SERINC5: variants seen among roughly 807,000 people sequenced by gnomAD.
The protein encoded by SERINC5 is serine incorporator 5, also known as chromosome 5 open reading frame 12.
SERINC5 carries 41 observed loss-of-function variants against 63.1 expected under a neutral mutation model. That is an observed-to-expected ratio of 0.65 (90% CI 0.51 to 0.84). The LOEUF is 0.84. Ranked by LOEUF, SERINC5 falls within the 40% of genes least tolerant of loss-of-function variation. The pLI is 0.00. For missense variants in SERINC5, 523 were observed against 573.0 expected (o/e 0.91, Z 0.89); for synonymous variants, 222 against 215.2 (o/e 1.03, Z -0.28).
intron 1 of SERINC5, among the ~76,000 whole-genome samples, chr5:80,255,464 A>T (rs1253806213): frequency 6.6e-6 from 1 of 152,074 alleles, no homozygotes; most frequent in African/African-American, 2.4e-5. Flanking sequence ...GTTTGACCCG[A>T]GTTTTATTCA....
intron 2 of SERINC5, among the ~76,000 whole-genome samples, chr5:80,178,329 C>A (rs1748174999): frequency 6.7e-6 from 1 of 149,990 alleles, no homozygotes; most frequent in Non-Finnish European, 1.5e-5. Context: ...CAAAAATTAC[C>A]TTTTTTTTAA....
chr5:80,158,726 T>C (rs958527593), intron 8 of SERINC5, 110 bp downstream of exon 8: 25 of 1,021,504 alleles, frequency 2.4e-5, no homozygotes, highest in South Asian at 3.3e-5. Context: ...GTGGTTATTT[T>C]CCCCCCTCCT....
chr5:80,125,732 T>C (rs1459054508), intron 11 of SERINC5, among the ~76,000 whole-genome samples: 1 of 151,902 alleles, frequency 6.6e-6, no homozygotes, highest in African/African-American at 2.4e-5. Flanking sequence ...AACTGTGGAG[T>C]TATAATGGTG....
intron 1 of SERINC5, among the ~76,000 whole-genome samples, chr5:80,245,086 A>C (rs1405977765): frequency 6.6e-6 from 1 of 152,012 alleles, no homozygotes; most frequent in Non-Finnish European, 1.5e-5. Context: ...ACCTTCACTT[A>C]ATTTCCTTTA....
chr5:80,232,450 A>T (rs1253420058), intron 1 of SERINC5, among the ~76,000 whole-genome samples: 1 of 151,206 alleles, frequency 6.6e-6, no homozygotes, highest in East Asian at 2.0e-4. Flanking sequence ...GATCATCAGC[A>T]AGGAATGGGT....
At chr5:80,161,456 G>A (rs1022182617) in intron 7 of SERINC5, among the ~76,000 whole-genome samples, 2 of 152,018 alleles carry the variant, frequency 1.3e-5, no homozygotes, top group Admixed American at 6.6e-5. Context: ...TAGCAATGTT[G>A]AGCATTTTTT....
At position 80,168,717 on chromosome 5, in the gene SERINC5, T is replaced by C. The variant is rs539887298; in HGVS notation, c.763+618A>G. ...ACCAAGAGTAGTTTATAAATGGCAA[T>C]TCACATTTATACTTCCTAAAGCACT... On this transcript the variant is annotated intron_variant, in intron 6 of 11. Coordinates refer to ENST00000507668, the MANE Select transcript of SERINC5 (RefSeq NM_001174072.3). 6.6e-5 allele frequency among the ~76,000 whole-genome samples: 10 copies of C among 152,310 alleles called. No homozygotes were observed. In the South Asian group the frequency reaches 1.2e-3, roughly 19 times the overall value.
intron 7 of SERINC5, among the ~76,000 whole-genome samples, chr5:80,162,776 T>C (rs1747024671): frequency 6.6e-6 from 1 of 152,204 alleles, no homozygotes; most frequent in African/African-American, 2.4e-5. Flanking sequence ...TTGTAGCCAT[T>C]GTAAATGGGA....
chr5:80,250,391 G>A lies in SERINC5; in HGVS notation c.27+5505C>T, dbSNP rs187731170. Among the ~76,000 whole-genome samples, 70 of 152,322 alleles carry A rather than the reference G, an allele frequency of 4.6e-4. No individual in the cohort carries two copies. The East Asian group carries it at 0.01, about 23-fold the overall frequency. On this transcript the variant is annotated intron_variant, in intron 1 of 11. Transcript: ENST00000507668. ...GAGTCTCGCTGTCTTGCCCAAGCTG[G>A]AGTGAAGTGCCATGATCTTGGCTCA...
intron 1 of SERINC5, among the ~76,000 whole-genome samples, chr5:80,211,628 C>T (rs1750435155): frequency 6.6e-6 from 1 of 152,200 alleles, no homozygotes; most frequent in South Asian, 2.1e-4. Flanking sequence ...AACAGAAACT[C>T]TCTGAAAAGA....
At chr5:80,232,122 A>G (rs1276758355) in intron 1 of SERINC5, among the ~76,000 whole-genome samples, 1 of 125,728 alleles carries the variant, frequency 8.0e-6, no homozygotes, top group Non-Finnish European at 1.7e-5. Flanking sequence ...AAAAAAAAAA[A>G]GGCCGGGCAA....
chr5:80,150,340 C>T (rs776224870), intron 9 of SERINC5, among the ~76,000 whole-genome samples: 17 of 152,124 alleles, frequency 1.1e-4, no homozygotes, highest in Non-Finnish European at 2.2e-4. Context: ...CAGGATGCCA[C>T]CCAAGAGGCC....
intron 1 of SERINC5, among the ~76,000 whole-genome samples, chr5:80,237,088 A>G (rs1478021511): frequency 1.3e-5 from 2 of 152,062 alleles, no homozygotes. Flanking sequence ...CGGCCTCCCA[A>G]AGTGCTGGGA....
At chr5:80,222,462 T>A (rs1179765806) in intron 1 of SERINC5, among the ~76,000 whole-genome samples, 1 of 151,076 alleles carries the variant, frequency 6.6e-6, no homozygotes, top group Non-Finnish European at 1.5e-5. Flanking sequence ...ATTTACTTCA[T>A]AATAACAAAA....
chr5:80,227,676 C>A (rs1197443989), intron 1 of SERINC5, among the ~76,000 whole-genome samples: 1 of 151,596 alleles, frequency 6.6e-6, no homozygotes, highest in Non-Finnish European at 1.5e-5. Context: ...TGCAGTCAAT[C>A]ATTTGAAAGT....
chr5:80,191,678 AAAG>A lies in SERINC5; in HGVS notation c.195+11205_195+11207del, dbSNP rs1371225967. On this transcript the variant is annotated intron_variant, in intron 2 of 11. Transcript: ENST00000507668. ...GCCCTGTCTCTAAAAAAAAAAAAAG[AAAG>A]AAAAAAAAAAAGACTTTTTTTTTTT... Among the ~76,000 whole-genome samples, 455 of 142,756 alleles carry A rather than the reference AAAG, an allele frequency of 3.2e-3. 5 individuals carry two copies. The highest frequency in any genetic ancestry group is 0.012 in the African/African-American group (439 of 36,280). The allele number at this position is 142,756 out of a possible 152,430, so 93.7% of individuals were successfully genotyped here. A position where few individuals can be genotyped will look rare whatever the true frequency, so the allele number is the denominator to read the frequency against.
chr5:80,182,758 C>T lies in SERINC5; in HGVS notation c.196-4694G>A, dbSNP rs549414934. Among the ~76,000 whole-genome samples the T allele has an allele frequency of 2.6e-5, 4 of 152,246 alleles. No homozygotes were observed. The East Asian group carries it at 7.7e-4, about 29-fold the overall frequency. On this transcript the variant is annotated intron_variant, in intron 2 of 11. Transcript: ENST00000507668. ...ATGGGGTTTCACCATGTTGGCCAGG[C>T]TGGTCTTGAACTCCTGGCCTCAAAT... is the stretch of plus-strand genomic sequence containing the variant.
intron 5 of SERINC5, among the ~76,000 whole-genome samples, chr5:80,173,672 C>A (rs1463768901): frequency 6.6e-6 from 1 of 152,098 alleles, no homozygotes; most frequent in Non-Finnish European, 1.5e-5. Context: ...TCCCCTCCCC[C>A]ACCCACCTCC....
intron 1 of SERINC5, among the ~76,000 whole-genome samples, chr5:80,209,091 C>T (rs1020879135): frequency 2.0e-4 from 30 of 152,272 alleles, no homozygotes; most frequent in African/African-American, 7.0e-4. Context: ...GCCAACATGG[C>T]AACACCCCGT....
Sources: allele counts gnomAD v4.1 joint callset (sites outside exome capture counted in the v4.1 genomes callset), GRCh38; gene constraint gnomAD v4.1.1; transcripts MANE v1.5; gene names NCBI Gene and HGNC (gene_info 2026-07-23, HGNC 2026-07-21).